The following KCNAB2 variants were observed in gnomAD, a reference collection of about 807,000 sequenced individuals.
KCNAB2 encodes voltage-gated potassium channel subunit beta-2.
KCNAB2 carries 29 observed loss-of-function variants against 63.6 expected under a neutral mutation model. The observed-to-expected ratio is 0.46, with a 90% confidence interval of 0.34 to 0.62. The LOEUF (loss-of-function observed/expected upper bound fraction) is 0.62, where lower values mean the gene tolerates loss of function less well. Among genes scored for constraint, KCNAB2 ranks in the 20% least tolerant of loss-of-function variants. The probability of loss-of-function intolerance (pLI) is 0.01; values close to 1 mark genes in which losing one functional copy is unlikely to be tolerated. For missense variants in KCNAB2, 359 were observed against 563.9 expected, an observed-to-expected ratio of 0.64 and a Z score of 3.68; for synonymous variants, 222 against 224.2, an observed-to-expected ratio of 0.99 and a Z score of 0.09.
chr1:6,090,374 C>G lies in KCNAB2; in HGVS notation c.515-15C>G. On this transcript the variant is annotated splice_polypyrimidine_tract_variant and intron_variant, in intron 8 of 15. Coordinates refer to ENST00000378083, the MANE Select transcript of KCNAB2 (RefSeq NM_001199862.2). ...AGCCACAGCAGTGACGCCCCCCCAC[C>G]TGGTCCTCCCCCAGGTCTGAAAGCT... The G allele has an allele frequency of 6.2e-7, 1 of 1,606,172 alleles. No individual in the cohort carries two copies. Among genetic ancestry groups the G allele is most frequent in the Non-Finnish European group, 8.5e-7 (1 of 1,173,182 alleles).
intron 8 of KCNAB2, among the ~76,000 whole-genome samples, chr1:6,089,412 T>G (rs4908764): frequency 6.6e-6 from 1 of 152,202 alleles, no homozygotes; most frequent in Non-Finnish European, 1.5e-5. Flanking sequence ...CTGGGATGCC[T>G]GCAGCGCCCA....
chr1:6,058,182 T>C (rs6666994), intron 2 of KCNAB2, among the ~76,000 whole-genome samples: 3,090 of 152,264 alleles, frequency 0.02, 91 homozygotes, highest in African/African-American at 0.069. Context: ...AACCCAGTCA[T>C]TGGATTGAAG....
intron 4 of KCNAB2, among the ~76,000 whole-genome samples, chr1:6,081,620 C>T (rs368382647): frequency 2.7e-5 from 4 of 149,552 alleles, no homozygotes; most frequent in South Asian, 2.1e-4. Context: ...GGGGAGGGTC[C>T]GCCCCATGCC....
At chr1:6,088,729 A>G (rs1393724458) in intron 7 of KCNAB2, among the ~76,000 whole-genome samples, 1 of 151,620 alleles carries the variant, frequency 6.6e-6, no homozygotes, top group Non-Finnish European at 1.5e-5. Flanking sequence ...AATAATAATA[A>G]TAAGTCCAAA....
chr1:6,090,980 C>T (rs1665140164), intron 9 of KCNAB2, among the ~76,000 whole-genome samples: 1 of 152,210 alleles, frequency 6.6e-6, no homozygotes, highest in Admixed American at 6.5e-5. Context: ...TCTACTCCTG[C>T]GATCTCAGCC....
chr1:6,081,324 T>C (rs532674517), intron 4 of KCNAB2, among the ~76,000 whole-genome samples: 3 of 152,364 alleles, frequency 2.0e-5, no homozygotes, highest in African/African-American at 7.2e-5. Context: ...AGCTGTGGGA[T>C]GTCAGTTGCT....
At position 6,005,021 on chromosome 1, in the gene KCNAB2, G is replaced by A. The variant is rs60923625; in HGVS notation, c.-53+12233G>A. On this transcript the variant is annotated intron_variant, in intron 1 of 16. Transcript: ENST00000341524. ...GGGAGCTGAGCTAAGGGGTGAGGGTGGAGTAGGGGGACGCGGGGGCTGAGC... is the reference window on the plus strand; with the variant it reads ...GGGAGCTGAGCTAAGGGGTGAGGGTAGAGTAGGGGGACGCGGGGGCTGAGC... Among the ~76,000 whole-genome samples the A allele has an allele frequency of 2.1e-4, 22 of 104,142 alleles. 3 individuals are homozygous for A. Among genetic ancestry groups the A allele is most frequent in the Admixed American group, 2.8e-4 (3 of 10,808 alleles). The allele number at this position is 104,142 out of a possible 152,430, so 68.3% of individuals were successfully genotyped here. A position where few individuals can be genotyped will look rare whatever the true frequency, so the allele number is the denominator to read the frequency against.
chr1:6,022,879 C>CTTTTTTT (rs34874871), intron 1 of KCNAB2, among the ~76,000 whole-genome samples: 11 of 86,990 alleles, frequency 1.3e-4, no homozygotes, highest in African/African-American at 1.9e-4. Context: ...TTTTGCTTAT[C>CTTTTTTT]TTTTTTTTTT....
At chr1:6,057,094 T>A (rs1661899832) in intron 2 of KCNAB2, among the ~76,000 whole-genome samples, 1 of 150,694 alleles carries the variant, frequency 6.6e-6, no homozygotes. Context: ...CCAAAGCACA[T>A]GTCTCGTTCG....
upstream of KCNAB2, among the ~76,000 whole-genome samples, chr1:6,029,923 G>C (rs1659469770): frequency 6.6e-6 from 1 of 152,228 alleles, no homozygotes; most frequent in Admixed American, 6.5e-5. Flanking sequence ...CTTAGAGAGA[G>C]ATCCTCTCCA....
intron 7 of KCNAB2, 88 bp from the exon 8 acceptor site, chr1:6,088,920 G>A (rs916333163): frequency 4.0e-5 from 51 of 1,278,718 alleles, no homozygotes; most frequent in African/African-American, 1.9e-4. Context: ...CTGTTTTTGC[G>A]TCTAACATTG....
chr1:6,046,177 A>G lies in KCNAB2; in HGVS notation c.-33A>G, dbSNP rs1483793384. ...TTTTTAACGAGCAGACGCCCCCACG[A>G]AGGCAGGTGAGTCCTCCCTTCAGCC... On this transcript the variant is annotated 5_prime_UTR_variant, in exon 1 of 16. Transcript: ENST00000378083. 4 of 985,278 alleles carry G rather than the reference A, an allele frequency of 4.1e-6. No individual in the cohort carries two copies. In the South Asian group the frequency reaches 1.9e-4, roughly 46 times the overall value. The allele number at this position is 985,278 out of a possible 1,614,324, so 61.0% of individuals were successfully genotyped here.
intron 4 of KCNAB2, among the ~76,000 whole-genome samples, chr1:6,080,737 C>A (rs961590991): frequency 1.3e-5 from 2 of 152,198 alleles, no homozygotes; most frequent in African/African-American, 4.8e-5. Flanking sequence ...CGCCTTCCCA[C>A]GTGCAGCATT....
In KCNAB2 at chr1:6,099,552, C is replaced by T. The variant is rs895157262; in HGVS notation, c.*978C>T. 1.5e-4 allele frequency: 68 copies of T among 461,464 alleles called. No homozygotes were observed. Among genetic ancestry groups the T allele is most frequent in the Non-Finnish European group, 2.4e-4 (64 of 265,918 alleles). The allele number at this position is 461,464 out of a possible 1,614,324, so 28.6% of individuals were successfully genotyped here. A position where few individuals can be genotyped will look rare whatever the true frequency, so the allele number is the denominator to read the frequency against. On this transcript the variant is annotated 3_prime_UTR_variant, in exon 16 of 16. Coordinates refer to ENST00000378083, the MANE Select transcript of KCNAB2 (RefSeq NM_001199862.2). Reference sequence around the variant, plus strand: ...GGGGCCGGCCCTGTGCACAAGGATGCACTCCTCTCGGCCCCTGTAGACTTT... The same window carrying T: ...GGGGCCGGCCCTGTGCACAAGGATGTACTCCTCTCGGCCCCTGTAGACTTT...
chr1:6,098,549 A>G lies in KCNAB2; in HGVS notation c.1223A>G (p.Tyr408Cys). 6.2e-7 allele frequency: 1 copy of G among 1,614,026 alleles called. No individual in the cohort carries two copies. The highest frequency in any genetic ancestry group is 8.5e-7 in the Non-Finnish European group (1 of 1,179,998). Reference sequence around the variant, plus strand: ...GATAGTATTTTGGGCAATAAACCCTACAGCAAAAAGGACTACAGATCCTAA... The same window carrying G: ...GATAGTATTTTGGGCAATAAACCCTGCAGCAAAAAGGACTACAGATCCTAA... Reference protein sequence around the residue: ...EIDSILGNKPYSKKDYRS With the variant: ...EIDSILGNKPCSKKDYRS Residue 408 changes from tyrosine to cysteine, a missense_variant, in exon 16 of 16, where the codon TAC (tyrosine) becomes TGC (cysteine). Physicochemically the swap from Tyr to Cys is radical, Grantham distance 194. This residue lies in a region of KCNAB2 where 271 missense variants were observed against 476.1 expected (regional missense o/e 0.57). Coordinates refer to ENST00000378083, the MANE Select transcript of KCNAB2 (RefSeq NM_001199862.2).
At chr1:6,040,648 G>A (rs775922659) in intron 2 of KCNAB2, 52 of 1,607,702 alleles carry the variant, frequency 3.2e-5, no homozygotes, top group Non-Finnish European at 3.8e-5. Context: ...ATCTACAGGT[G>A]ACCCCCTGCC....
At position 6,096,370 on chromosome 1, in the gene KCNAB2, C is replaced by T. The variant is rs920305535; in HGVS notation, c.949-266C>T. 3 of 545,982 alleles carry T rather than the reference C, an allele frequency of 5.5e-6. No homozygotes were observed. In the Middle Eastern group the frequency reaches 1.5e-3, roughly 272 times the overall value. 33.8% of individuals were successfully genotyped at this position (545,982 alleles called of 1,614,324 possible). ...AAGGCCAGCACCTCGCCTCCTTGTC[C>T]TGACTTGGGGTTGGGCCAGCACCAC... is the stretch of plus-strand genomic sequence containing the variant. On this transcript the variant is annotated intron_variant, in intron 13 of 15. Transcript: ENST00000378083. This position sits in a 1 kb window ranked among gnomAD's most constrained non-coding sequence, Gnocchi z 5.9.
In KCNAB2 at chr1:6,073,266, C is replaced by T. The variant is rs768110305; in HGVS notation, c.263-467C>T. Among the ~76,000 whole-genome samples the T allele has an allele frequency of 4.1e-4, 63 of 152,076 alleles. No individual in the cohort carries two copies. Among genetic ancestry groups the T allele is most frequent in the Middle Eastern group, 6.8e-3 (2 of 292 alleles). On this transcript the variant is annotated intron_variant, in intron 3 of 15. Transcript: ENST00000378083. The surrounding 1 kb of genome is among the most constrained non-coding windows in gnomAD (Gnocchi z 5.7). ...CCCTCTGCATGCAGTACACACACCC[C>T]CACACACACACCGCCCACTGCAGTA...
intron 1 of KCNAB2, among the ~76,000 whole-genome samples, chr1:6,020,158 GC>G (rs1658739607): frequency 6.6e-6 from 1 of 152,128 alleles, no homozygotes; most frequent in South Asian, 2.1e-4. Flanking sequence ...TGGGGGATGT[GC>G]CCCCTCCCCA....
Sources: gnomAD v4.1 joint callset for allele counts (sites outside exome capture counted in the v4.1 genomes callset) on GRCh38, gnomAD v4.1.1 for gene constraint, gnomAD v4.1.1 regional missense constraint, Gnocchi (gnomAD v3.1) non-coding constraint, MANE v1.5 for transcripts, NCBI Gene and HGNC (gene_info 2026-07-23, HGNC 2026-07-21) for gene names.